The following TRIM3 variants were observed in gnomAD, a reference collection of about 807,000 sequenced individuals.
TRIM3 encodes tripartite motif-containing protein 3.
A neutral mutation model predicts 66.6 loss-of-function variants in TRIM3; 13 were observed. That is an observed-to-expected ratio of 0.20 (90% CI 0.13 to 0.31). TRIM3 has a LOEUF of 0.31. Among genes scored for constraint, TRIM3 ranks in the 10% least tolerant of loss-of-function variants. TRIM3 has a pLI of 1.00. For missense variants in TRIM3, 711 were observed against 1,020.4 expected (o/e 0.70, Z 4.13); for synonymous variants, 406 against 411.7 (o/e 0.99, Z 0.17).
In TRIM3 at chr11:6,449,571, C is replaced by T; in HGVS notation, c.1942-125G>A. Reference sequence around the variant, plus strand: ...CCAGATCTACAGCTACAGCCCAAATCTGCTTCATAGGCTTCACATCCATGT... The same window carrying T: ...CCAGATCTACAGCTACAGCCCAAATTTGCTTCATAGGCTTCACATCCATGT... On this transcript the variant is annotated intron_variant, in intron 10 of 11. Coordinates refer to ENST00000345851, the MANE Select transcript of TRIM3 (RefSeq NM_033278.4). This position sits in a 1 kb window ranked among gnomAD's most constrained non-coding sequence, Gnocchi z 5.3. 1 of 903,604 alleles carries T rather than the reference C, an allele frequency of 1.1e-6. No homozygotes were observed. Among genetic ancestry groups the T allele is most frequent in the Non-Finnish European group, 1.7e-6 (1 of 604,850 alleles). The allele number at this position is 903,604 out of a possible 1,614,324, so 56.0% of individuals were successfully genotyped here. A position where few individuals can be genotyped will look rare whatever the true frequency, so the allele number is the denominator to read the frequency against.
rs1431503668 is a variant in TRIM3, at chr11:6,450,904, G to A, written c.1858C>T (p.Arg620Cys). The A allele has an allele frequency of 7.4e-6, 12 of 1,614,124 alleles. No homozygotes were observed. The highest frequency in any genetic ancestry group is 1.7e-4 in the Middle Eastern group (1 of 6,060). Residue 620 changes from arginine (R) to cysteine (C), a missense_variant, in exon 9 of 12, where the codon CGC becomes TGC. Physicochemically the swap from Arg to Cys is radical, Grantham distance 180 (BLOSUM62 -3). Transcript: ENST00000345851. The surrounding 1 kb of genome is among the most constrained non-coding windows in gnomAD (Gnocchi z 4.8). Reference protein sequence around the residue: ...GRFGGRGATDRHFAGPHFVAV... With the variant: ...GRFGGRGATDCHFAGPHFVAV... ...TGTCCCCCTATACCTGCAAAGTGGC[G>A]GTCAGTGGCCCCACGGCCCCCAAAA...
chr11:6,460,252 CT>C (rs1179278569), intron 2 of TRIM3, among the ~76,000 whole-genome samples: 1 of 152,112 alleles, frequency 6.6e-6, no homozygotes, highest in Non-Finnish European at 1.5e-5. Context: ...GGTACTTTGT[CT>C]GTAGGGAAAA....
At position 6,450,369 on chromosome 11, in the gene TRIM3, T is replaced by A. The variant is rs1398301651; in HGVS notation, c.1941+182A>T. 6 of 614,776 alleles carry A rather than the reference T, an allele frequency of 9.8e-6. No individual in the cohort carries two copies. Among genetic ancestry groups the A allele is most frequent in the Non-Finnish European group, 1.7e-5 (6 of 344,868 alleles). The allele number at this position is 614,776 out of a possible 1,614,324, so 38.1% of individuals were successfully genotyped here. On this transcript the variant is annotated intron_variant, in intron 10 of 11. Transcript: ENST00000345851. This position sits in a 1 kb window ranked among gnomAD's most constrained non-coding sequence, Gnocchi z 4.8. ...ACACAGAATACATTTGCTTTGTGCA[T>A]CACTGTATCTCCAGCTTCTAGCATA...
intron 2 of TRIM3, among the ~76,000 whole-genome samples, chr11:6,459,219 A>G (rs188547530): frequency 1.0e-3 from 157 of 152,348 alleles, no homozygotes; most frequent in Non-Finnish European, 1.7e-3. Context: ...GCAGCATAGT[A>G]TGAATAAGCA....
At chr11:6,460,898 C>CTTTTTTTT (rs771919613) in intron 2 of TRIM3, among the ~76,000 whole-genome samples, 11 of 74,280 alleles carry the variant, frequency 1.5e-4, no homozygotes, top group African/African-American at 3.8e-4. Context: ...TTTTTGGTGG[C>CTTTTTTTT]TTTTTTTTTT....
intron 2 of TRIM3, among the ~76,000 whole-genome samples, chr11:6,464,253 C>T (rs540205552): frequency 1.3e-5 from 2 of 152,352 alleles, no homozygotes; most frequent in South Asian, 4.1e-4. Context: ...CTCAGTCACA[C>T]TCACTCTGCT....
chr11:6,467,331 G>A (rs574049355), intron 1 of TRIM3, among the ~76,000 whole-genome samples: 1 of 152,178 alleles, frequency 6.6e-6, no homozygotes, highest in Non-Finnish European at 1.5e-5. Flanking sequence ...TGAAGAAACA[G>A]CATGATAAAG....
Position 6,456,188 on chromosome 11 carries a change from A to T in TRIM3, c.1430-13T>A, listed in dbSNP as rs1481928772. On this transcript the variant is annotated splice_polypyrimidine_tract_variant and intron_variant, in intron 6 of 11. Transcript: ENST00000345851. This position sits in a 1 kb window ranked among gnomAD's most constrained non-coding sequence, Gnocchi z 6.4. Reference sequence around the variant, plus strand: ...CTTCCACGACTGCCTGTGGGAAGGGACAGGAGGGAAAACAAAATAATTCAT... The same window carrying T: ...CTTCCACGACTGCCTGTGGGAAGGGTCAGGAGGGAAAACAAAATAATTCAT... 4 of 1,613,368 alleles carry T rather than the reference A, an allele frequency of 2.5e-6. No individual in the cohort carries two copies. Among genetic ancestry groups the T allele is most frequent in the Admixed American group, 1.7e-5 (1 of 60,008 alleles).
intron 7 of TRIM3, among the ~76,000 whole-genome samples, 163 bp downstream of exon 7, chr11:6,455,909 G>C (rs574232721): frequency 1.3e-4 from 20 of 152,342 alleles, no homozygotes; most frequent in South Asian, 2.1e-4. Flanking sequence ...GGGGTGGCTG[G>C]TGGGTGCGTA....
At position 6,473,789 on chromosome 11, in the gene TRIM3, A is replaced by C. The variant is rs917279835; in HGVS notation, c.-38+2T>G. On this transcript the variant is annotated splice_donor_variant, in intron 1 of 11. Transcript: ENST00000345851. LOFTEE classifies it low-confidence loss of function (5UTR_SPLICE). ...CCCTTGGGGCCCGCCCGTCGCACTC[A>C]CCGCGTTGGAACAGGATGCGAGGGC... is the stretch of plus-strand genomic sequence containing the variant. 1 of 152,030 alleles carries C rather than the reference A, an allele frequency of 6.6e-6. No individual in the cohort carries two copies. Among genetic ancestry groups the C allele is most frequent in the Non-Finnish European group, 1.5e-5 (1 of 68,030 alleles). The allele number at this position is 152,030 out of a possible 1,614,324, so 9.4% of individuals were successfully genotyped here.
At chr11:6,471,285 C>T (rs1213579295) in intron 1 of TRIM3, among the ~76,000 whole-genome samples, 1 of 152,178 alleles carries the variant, frequency 6.6e-6, no homozygotes, top group East Asian at 1.9e-4. Flanking sequence ...GGCTCATTTG[C>T]TTGCTAAAAT....
At position 6,456,768 on chromosome 11, in the gene TRIM3, C is replaced by A. The variant is rs1320414252; in HGVS notation, c.958G>T (p.Ala320Ser). Residue 320 changes from alanine to serine, a missense_variant, in exon 6 of 12, where the codon GCC becomes TCC. Around this residue, in one of 3 missense-constraint regions of TRIM3, gnomAD observed 399 missense variants for 458.1 expected, o/e 0.87. Coordinates refer to ENST00000345851, the MANE Select transcript of TRIM3 (RefSeq NM_033278.4). This position sits in a 1 kb window ranked among gnomAD's most constrained non-coding sequence, Gnocchi z 6.4. ...GTGGCCACCGTTTCGTGTGCAGTGG[C>A]GCTCGTGGTGAGCAGTGCGCCCAGA... ...LNLGALLTTS[A>S]TAHETVATGE... is the part of the protein sequence containing the mutation. 1.2e-6 allele frequency: 2 copies of A among 1,611,900 alleles called. No individual in the cohort carries two copies. The highest frequency in any genetic ancestry group is 1.7e-6 in the Non-Finnish European group (2 of 1,179,934).
At chr11:6,470,012 T>C (rs532991049) in intron 1 of TRIM3, among the ~76,000 whole-genome samples, 1 of 152,340 alleles carries the variant, frequency 6.6e-6, no homozygotes, top group African/African-American at 2.4e-5. Context: ...TATCATGCAA[T>C]GCCTTGTTGG....
In TRIM3 at chr11:6,458,119, G is replaced by A; in HGVS notation, c.309C>T (p.His103=). The change falls in exon 3 of 12, where the codon CAC becomes CAT. Residue 103 remains histidine, a synonymous_variant. Coordinates refer to ENST00000345851, the MANE Select transcript of TRIM3 (RefSeq NM_033278.4). The surrounding 1 kb of genome is among the most constrained non-coding windows in gnomAD (Gnocchi z 6.2). ...GGCGGCCAGCCACTACACTGAGGGGGTGGGGGTCCTCCGGGTCGTGGGCCC... is the reference window on the plus strand; with the variant it reads ...GGCGGCCAGCCACTACACTGAGGGGATGGGGGTCCTCCGGGTCGTGGGCCC... The part of the protein sequence containing the change: ...PDGAHDPEDP[H]PLSVVAGRPL... The A allele has an allele frequency of 1.9e-6, 3 of 1,613,672 alleles. No homozygotes were observed. Among genetic ancestry groups the A allele is most frequent in the Non-Finnish European group, 2.5e-6 (3 of 1,180,004 alleles).
chr11:6,455,916 C>CGTAAGG (rs1361744237), intron 7 of TRIM3, among the ~76,000 whole-genome samples, 156 bp downstream of exon 7: 1 of 152,082 alleles, frequency 6.6e-6, no homozygotes, highest in Non-Finnish European at 1.5e-5. Flanking sequence ...CTGGTGGGTG[C>CGTAAGG]GTAAGGGGTG....
intron 1 of TRIM3, 125 bp downstream of exon 1, chr11:6,473,666 C>G (rs898754206): frequency 1.3e-5 from 2 of 152,606 alleles, no homozygotes; most frequent in African/African-American, 4.8e-5. Flanking sequence ...ATGGACACGC[C>G]TCACGTGGGC....
In TRIM3 at chr11:6,456,322, A is replaced by G. The variant is rs1849968011; in HGVS notation, c.1404T>C (p.Ile468=). 1.3e-6 allele frequency: 2 copies of G among 1,546,736 alleles called. No homozygotes were observed. Among genetic ancestry groups the G allele is most frequent in the South Asian group, 2.5e-5 (2 of 80,176 alleles). Residue 468 remains isoleucine (I), a synonymous_variant, in exon 6 of 12, where the codon ATT becomes ATC. Coordinates refer to ENST00000345851, the MANE Select transcript of TRIM3 (RefSeq NM_033278.4). This position sits in a 1 kb window ranked among gnomAD's most constrained non-coding sequence, Gnocchi z 6.4. ...CAACACGGAAGACGAGCTCATCCTC[A>G]ATTGGGTTGTCCTTTCGTTTGCCGC... ...STGGKRKDNP[I]EDELVFRVGS... is the part of the protein sequence containing the mutation.
intron 2 of TRIM3, among the ~76,000 whole-genome samples, chr11:6,460,246 C>T (rs1157985970): frequency 6.6e-6 from 1 of 152,060 alleles, no homozygotes. Context: ...TGTGAGGGTA[C>T]TTTGTCTGTA....
rs1438472471 is a variant in TRIM3 at position 6,465,664 on chromosome 11, T to C, written c.32A>G (p.Glu11Gly). 6.2e-7 allele frequency: 1 copy of C among 1,614,154 alleles called. No individual in the cohort carries two copies. Among genetic ancestry groups the C allele is most frequent in the South Asian group, 1.1e-5 (1 of 91,086 alleles). Residue 11 changes from glutamate (E) to glycine (G), a missense_variant, in exon 2 of 12, where the codon GAG (glutamate) becomes GGG (glycine). Coordinates refer to ENST00000345851, the MANE Select transcript of TRIM3 (RefSeq NM_033278.4). ...GAACTGCTTGTCCATTGGCTGGACCTCTGGGCCAGGGCTGTCCTCCCTCTT... is the reference window on the plus strand; with the variant it reads ...GAACTGCTTGTCCATTGGCTGGACCCCTGGGCCAGGGCTGTCCTCCCTCTT... MAKREDSPGP[E>G]VQPMDKQFLV...
Sources: allele counts gnomAD v4.1 joint callset (sites outside exome capture counted in the v4.1 genomes callset), GRCh38; gene constraint gnomAD v4.1.1; regional missense constraint gnomAD v4.1.1; non-coding constraint Gnocchi (gnomAD v3.1); transcripts MANE v1.5; gene names NCBI Gene and HGNC (gene_info 2026-07-23, HGNC 2026-07-21).